Variants in ZNF536 observed in about 807,000 individuals in gnomAD.
ZNF536 encodes the protein zinc finger protein 536.
ZNF536 carries 13 observed loss-of-function variants against 84.5 expected under a neutral mutation model. The observed-to-expected ratio is 0.15, with a 90% confidence interval of 0.10 to 0.24. The LOEUF is 0.24. Among genes scored for constraint, ZNF536 ranks in the 10% least tolerant of loss-of-function variants. The pLI is 1.00. For missense variants in ZNF536, 1,536 were observed against 1,747.5 expected (o/e 0.88, Z 2.16); for synonymous variants, 811 against 742.5 (o/e 1.09, Z -1.50).
intron 2 of ZNF536, chr19:30,300,298 T>A (rs1370529088): frequency 6.6e-6 from 1 of 152,190 alleles, no homozygotes; most frequent in Non-Finnish European, 1.5e-5. Context: ...TCATGCCACA[T>A]TTAATTTCCC....
chr19:30,638,817 G>A (rs1050719048), intron 1 of ZNF536, among the ~76,000 whole-genome samples: 1 of 152,148 alleles, frequency 6.6e-6, no homozygotes, highest in Non-Finnish European at 1.5e-5. Flanking sequence ...GTCAAGAACA[G>A]GACACATTGC....
In ZNF536 at chr19:30,548,452, C is replaced by G. The variant is rs757667624; in HGVS notation, c.2833C>G (p.Pro945Ala). The G allele has an allele frequency of 4.3e-6, 7 of 1,614,186 alleles. No homozygotes were observed. The highest frequency in any genetic ancestry group is 5.1e-6 in the Non-Finnish European group (6 of 1,180,040). The change falls in exon 4 of 5, where the codon CCT becomes GCT. Residue 945 changes from proline to alanine, a missense_variant. Coordinates refer to ENST00000355537, the MANE Select transcript of ZNF536 (RefSeq NM_014717.3). ...DMKDKALADPPSMKVHGVDGG... is the reference protein window; with the variant it reads ...DMKDKALADPASMKVHGVDGG... ...GAAGGACAAAGCCCTGGCTGACCCC[C>G]CTTCCATGAAAGTCCACGGAGTGGA...
At chr19:30,271,294 C>CTTTTTTTTTTTTTTTT (rs879683203) in intron 1 of ZNF536, among the ~76,000 whole-genome samples, 35 of 103,168 alleles carry the variant, frequency 3.4e-4, no homozygotes, top group East Asian at 1.2e-3. Context: ...GTGTTTTTTT[C>CTTTTTTTTTTTTTTTT]TTTTCTTTTT....
intron 1 of ZNF536, among the ~76,000 whole-genome samples, chr19:30,270,484 A>G (rs1418240229): frequency 2.0e-5 from 3 of 152,236 alleles, no homozygotes; most frequent in East Asian, 1.9e-4. Context: ...TGATTTCTAA[A>G]TAGACACTGC....
At chr19:30,664,440 G>A (rs117677198) in intron 1 of ZNF536, among the ~76,000 whole-genome samples, 3,120 of 152,248 alleles carry the variant, frequency 0.02, 36 homozygotes, top group Middle Eastern at 0.034. Flanking sequence ...GGGCGGGGTG[G>A]ATGGAGCCTG....
chr19:30,579,530 G>C (rs2046849056), intron 1 of ZNF536, among the ~76,000 whole-genome samples: 1 of 152,180 alleles, frequency 6.6e-6, no homozygotes, highest in South Asian at 2.1e-4. Context: ...TCTTCCAAGA[G>C]AGCAAATGGA....
At chr19:30,604,585 A>G (rs939113876) in intron 1 of ZNF536, among the ~76,000 whole-genome samples, 2 of 152,168 alleles carry the variant, frequency 1.3e-5, no homozygotes, top group Non-Finnish European at 2.9e-5. Context: ...TTATGATCAG[A>G]GGCACTAACT....
chr19:30,301,909 G>A (rs1053943285), intron 2 of ZNF536, among the ~76,000 whole-genome samples: 3 of 151,910 alleles, frequency 2.0e-5, no homozygotes, highest in African/African-American at 7.3e-5. Flanking sequence ...GCCGATGTGG[G>A]CTAGGTAGAA....
At chr19:30,450,640 G>A (rs1046440887) in intron 2 of ZNF536, among the ~76,000 whole-genome samples, 1 of 152,094 alleles carries the variant, frequency 6.6e-6, no homozygotes, top group South Asian at 2.1e-4. Flanking sequence ...CTCCTTCATT[G>A]TTATATATTT....
At chr19:30,606,235 A>T (rs57227864) in intron 1 of ZNF536, among the ~76,000 whole-genome samples, 1,595 of 81,554 alleles carry the variant, frequency 0.02, 83 homozygotes, top group Admixed American at 0.12. Context: ...AAAATAATAA[A>T]ATAAAATAAA....
At chr19:30,666,123 C>T (rs1454480193) in intron 1 of ZNF536, among the ~76,000 whole-genome samples, 3 of 152,224 alleles carry the variant, frequency 2.0e-5, no homozygotes, top group Non-Finnish European at 4.4e-5. Context: ...CAGAAGGTGC[C>T]TATCTGCAGA....
intron 2 of ZNF536, among the ~76,000 whole-genome samples, chr19:30,328,429 C>A (rs1274046474): frequency 6.6e-6 from 1 of 152,212 alleles, no homozygotes; most frequent in Non-Finnish European, 1.5e-5. Context: ...CTCTGTGTAA[C>A]CTGCTCTTGG....
intron 1 of ZNF536, among the ~76,000 whole-genome samples, chr19:30,644,154 T>A (rs1003159785): frequency 2.6e-5 from 4 of 152,222 alleles, no homozygotes; most frequent in Admixed American, 2.6e-4. Context: ...CCCTGGGAGA[T>A]GTTGGAAGAG....
chr19:30,447,592 C>T (rs1198451317), intron 2 of ZNF536, among the ~76,000 whole-genome samples: 1 of 152,208 alleles, frequency 6.6e-6, no homozygotes, highest in Non-Finnish European at 1.5e-5. Flanking sequence ...CCTGGAGCGA[C>T]TGTCACATGG....
chr19:30,587,302 AAGCAGTCCAATGTT>A (rs1269454241), intron 1 of ZNF536, among the ~76,000 whole-genome samples: 1 of 152,212 alleles, frequency 6.6e-6, no homozygotes, highest in African/African-American at 2.4e-5. Context: ...CAAACCTTCA[AAGCAGTCCAATGTT>A]AGATCTATTC....
At chr19:30,495,536 C>G (rs1324509160) in intron 2 of ZNF536, among the ~76,000 whole-genome samples, 1 of 152,198 alleles carries the variant, frequency 6.6e-6, no homozygotes, top group African/African-American at 2.4e-5. Flanking sequence ...AGAAAGTTGT[C>G]TACAGAATCA....
chr19:30,557,118 T>A (rs1180728611), intron 4 of ZNF536, 39 bp from the exon 5 acceptor site: 1 of 1,612,676 alleles, frequency 6.2e-7, no homozygotes, highest in African/African-American at 1.3e-5. Flanking sequence ...GCCCTGATGG[T>A]TTCTGGATTA....
chr19:30,588,086 A>G lies in ZNF536; in HGVS notation c.169+38572A>G, dbSNP rs535408762. Among the ~76,000 whole-genome samples, 4 of 152,338 alleles carry G rather than the reference A, an allele frequency of 2.6e-5. No homozygotes were observed. The East Asian group carries it at 7.7e-4, about 29-fold the overall frequency. On this transcript the variant is annotated intron_variant, in intron 1 of 1. Coordinates refer to the ZNF536 transcript ENST00000592773. ...ATCCCAGAGCAACACGTGGCTTCCCAGTGAGCTCCCTCAGGCGGCAGCTGT... is the reference window on the plus strand; with the variant it reads ...ATCCCAGAGCAACACGTGGCTTCCCGGTGAGCTCCCTCAGGCGGCAGCTGT...
intron 1 of ZNF536, among the ~76,000 whole-genome samples, chr19:30,612,668 TA>T (rs1290873980): frequency 6.6e-6 from 1 of 152,232 alleles, no homozygotes; most frequent in East Asian, 1.9e-4. Context: ...TTCAACTTTT[TA>T]TTTCAAAATA....
Sources: allele counts gnomAD v4.1 joint callset (sites outside exome capture counted in the v4.1 genomes callset), GRCh38; gene constraint gnomAD v4.1.1; transcripts MANE v1.5; gene names NCBI Gene and HGNC (gene_info 2026-07-23, HGNC 2026-07-21).